Variants in SPTAN1 observed in about 807,000 individuals in gnomAD.
SPTAN1 encodes the protein spectrin alpha chain, non-erythrocytic 1.
In SPTAN1, 61 loss-of-function variants were observed where a neutral mutation model predicts 331.3. That is an observed-to-expected ratio of 0.18 (90% CI 0.15 to 0.23). The LOEUF (loss-of-function observed/expected upper bound fraction) is 0.23, where lower values mean the gene tolerates loss of function less well. Among genes scored for constraint, SPTAN1 ranks in the 10% least tolerant of loss-of-function variants. The pLI is 1.00. For synonymous variants in SPTAN1, 1,153 were observed against 1,173.9 expected, an observed-to-expected ratio of 0.98 and a Z score of 0.36; for missense variants, 2,043 against 3,147.9, an observed-to-expected ratio of 0.65 and a Z score of 8.40.
At chr9:128,593,074 A>G (rs371515405) in intron 23 of SPTAN1, 32 bp downstream of exon 23, 29 of 1,592,936 alleles carry the variant, frequency 1.8e-5, no homozygotes, top group African/African-American at 4.0e-5. Flanking sequence ...CAGAGCACCA[A>G]TGTCCACTGC....
At position 128,585,706 on chromosome 9, in the gene SPTAN1, C is replaced by G. The variant is rs1008269839; in HGVS notation, c.2561-42C>G. 4 of 1,515,612 alleles carry G rather than the reference C, an allele frequency of 2.6e-6. No homozygotes were observed. In the African/African-American group the frequency reaches 4.1e-5, roughly 16 times the overall value. The allele number at this position is 1,515,612 out of a possible 1,614,324, so 93.9% of individuals were successfully genotyped here. A position where few individuals can be genotyped will look rare whatever the true frequency, so the allele number is the denominator to read the frequency against. ...TTATTTTTGTCCTTCTGTGATGTGT[C>G]AACGTAGTTTTTGTTATCCTCTTTC... On this transcript the variant is annotated intron_variant, in intron 18 of 56. Coordinates refer to ENST00000372739, the MANE Select transcript of SPTAN1 (RefSeq NM_001130438.3).
chr9:128,626,629 C>G lies in SPTAN1; in HGVS notation c.6518C>G (p.Thr2173Ser). The change falls in exon 49 of 57, where the codon ACC becomes AGC. Residue 2173 changes from threonine (T) to serine (S), a missense_variant. Thr to Ser is a moderately conservative substitution (Grantham distance 58). This residue lies in a region of SPTAN1 where 256 missense variants were observed against 376.4 expected (regional missense o/e 0.68). Transcript: ENST00000372739. Reference protein sequence around the residue: ...KSFRVASNPYTWFTMEALEET... With the variant: ...KSFRVASNPYSWFTMEALEET... ...TTCCGCGTAGCCTCCAACCCCTACA[C>G]CTGGTTTACCATGGAGGCCCTGGAG... The G allele has an allele frequency of 6.2e-7, 1 of 1,613,792 alleles. No individual in the cohort carries two copies. The highest frequency in any genetic ancestry group is 8.5e-7 in the Non-Finnish European group (1 of 1,179,910).
At chr9:128,611,642 A>G in intron 37 of SPTAN1, 72 bp from the exon 38 acceptor site, 1 of 1,589,452 alleles carries the variant, frequency 6.3e-7, no homozygotes, top group Non-Finnish European at 8.6e-7. Context: ...CCTGCCTCTG[A>G]GAACCCCTTC....
At chr9:128,570,284 C>T (rs890051049) in intron 3 of SPTAN1, among the ~76,000 whole-genome samples, 7 of 147,888 alleles carry the variant, frequency 4.7e-5, no homozygotes, top group Admixed American at 1.3e-4. Flanking sequence ...TATTAGTACC[C>T]TCTGCCCTGT....
Position 128,612,321 on chromosome 9 carries a change from A to C in SPTAN1, c.5043+75A>C, listed in dbSNP as rs546239559. 26 of 1,593,518 alleles carry C rather than the reference A, an allele frequency of 1.6e-5. No individual in the cohort carries two copies. In the South Asian group the frequency reaches 2.5e-4, roughly 16 times the overall value. On this transcript the variant is annotated intron_variant, in intron 39 of 56. Transcript: ENST00000372739. Reference sequence around the variant, plus strand: ...TGGCACAGTGGGTCCATCAGTGCCCAAAACCACGAAAAGGCAGGGCTCACC... The same window carrying C: ...TGGCACAGTGGGTCCATCAGTGCCCCAAACCACGAAAAGGCAGGGCTCACC...
chr9:128,630,429 C>A (rs1859519334), intron 52 of SPTAN1, 54 bp downstream of exon 52: 1 of 1,576,692 alleles, frequency 6.3e-7, no homozygotes, highest in Non-Finnish European at 8.7e-7. Flanking sequence ...AGCCACCCCC[C>A]AGGGTACCCC....
chr9:128,603,538 C>T lies in SPTAN1; in HGVS notation c.3580-5C>T. The T allele has an allele frequency of 1.2e-6, 2 of 1,614,192 alleles. No individual in the cohort carries two copies. Among genetic ancestry groups the T allele is most frequent in the Non-Finnish European group, 1.7e-6 (2 of 1,180,042 alleles). On this transcript the variant is annotated splice_region_variant and splice_polypyrimidine_tract_variant and intron_variant, in intron 27 of 56. Transcript: ENST00000372739. Reference sequence around the variant, plus strand: ...GTTTTGCCTTCTGCTTTCCTCCCTACCTAGTCTGCTCGTCTGATGGTTCAC... The same window carrying T: ...GTTTTGCCTTCTGCTTTCCTCCCTATCTAGTCTGCTCGTCTGATGGTTCAC...
chr9:128,612,293 A>AT, intron 39 of SPTAN1, 47 bp downstream of exon 39: 1 of 1,613,682 alleles, frequency 6.2e-7, no homozygotes, highest in Middle Eastern at 1.7e-4. Flanking sequence ...ATTTCTAGTC[A>AT]TTTGGCACAG....
intron 4 of SPTAN1, 73 bp downstream of exon 4, chr9:128,574,888 T>G (rs1046672565): frequency 1.6e-5 from 26 of 1,604,284 alleles, no homozygotes; most frequent in Non-Finnish European, 2.2e-5. Flanking sequence ...TGATCTGTAG[T>G]GAGACCCAGT....
At chr9:128,610,506 C>G (rs1456656570) in intron 37 of SPTAN1, among the ~76,000 whole-genome samples, 1 of 151,894 alleles carries the variant, frequency 6.6e-6, no homozygotes, top group Non-Finnish European at 1.5e-5. Context: ...CAGTTGCTGC[C>G]TCTGAAATGA....
Position 128,594,314 on chromosome 9 carries a change from G to T in SPTAN1, c.3355G>T (p.Val1119Phe). Residue 1119 changes from valine (V) to phenylalanine (F), a missense_variant, in exon 24 of 57, where the codon GTC (valine) becomes TTC (phenylalanine). By Grantham distance (50) the Val-to-Phe change is conservative (BLOSUM62 -1). Coordinates refer to ENST00000372739, the MANE Select transcript of SPTAN1 (RefSeq NM_001130438.3). ...GGAAGCCGCTCTGACAAGTGAGGAG[G>T]TCGGAGCAGACTTGGAGCAGGTTGA... Reference protein sequence around the residue: ...EKEAALTSEEVGADLEQVEVL... With the variant: ...EKEAALTSEEFGADLEQVEVL... The T allele has an allele frequency of 6.2e-7, 1 of 1,614,156 alleles. No individual in the cohort carries two copies. The highest frequency in any genetic ancestry group is 8.5e-7 in the Non-Finnish European group (1 of 1,180,032).
rs370304886 is a variant in SPTAN1 at position 128,582,740 on chromosome 9, G to A, written c.1697G>A (p.Arg566Gln). 25 of 1,613,892 alleles carry A rather than the reference G, an allele frequency of 1.5e-5. No homozygotes were observed. Among genetic ancestry groups the A allele is most frequent in the East Asian group, 2.2e-5 (1 of 44,892 alleles). The part of the protein sequence containing the change: ...NALHERAMRR[R>Q]AQLADSFHLQ... ...CTTCACGAGAGAGCCATGCGTCGCC[G>A]GGCCCAGCTAGCCGATTCTTTCCAT... The change falls in exon 14 of 57, where the codon CGG (arginine) becomes CAG (glutamine). Residue 566 changes from arginine (R) to glutamine (Q), a missense_variant. Arg to Gln is a conservative substitution (Grantham distance 43). Transcript: ENST00000372739.
chr9:128,628,733 G>A (rs1859187559), intron 51 of SPTAN1: 1 of 173,110 alleles, frequency 5.8e-6, no homozygotes, highest in Admixed American at 6.0e-5. Context: ...GGCGGCCAGG[G>A]GAGAAATAGA....
Position 128,633,624 on chromosome 9 carries a change from T to C in SPTAN1, c.*290T>C. The C allele has an allele frequency of 7.7e-7, 1 of 1,301,154 alleles. No homozygotes were observed. Among genetic ancestry groups the C allele is most frequent in the Non-Finnish European group, 1.1e-6 (1 of 942,852 alleles). The allele number at this position is 1,301,154 out of a possible 1,614,324, so 80.6% of individuals were successfully genotyped here. ...CTCTCCCACCCTCCCCCAAATCTGTTTTCATGTAAAAGACAAATAAATGAT... is the reference window on the plus strand; with the variant it reads ...CTCTCCCACCCTCCCCCAAATCTGTCTTCATGTAAAAGACAAATAAATGAT... On this transcript the variant is annotated 3_prime_UTR_variant, in exon 57 of 57. Transcript: ENST00000372739.
At chr9:128,588,674 A>G in intron 20 of SPTAN1, 135 bp from the exon 21 acceptor site, 1 of 1,260,158 alleles carries the variant, frequency 7.9e-7, no homozygotes, top group Non-Finnish European at 1.1e-6. Context: ...TTTTATTGGT[A>G]GCTTCAGTGA....
chr9:128,621,114 C>T (rs1161433587), intron 44 of SPTAN1, 44 bp from the exon 45 acceptor site: 8 of 1,574,426 alleles, frequency 5.1e-6, no homozygotes, highest in African/African-American at 1.3e-5. Context: ...GCCCACAACA[C>T]ATAGCAGGCT....
In SPTAN1 at chr9:128,605,133, C is replaced by A. The variant is rs1361752002; in HGVS notation, c.3819C>A (p.Arg1273=). The A allele has an allele frequency of 6.2e-7, 1 of 1,613,750 alleles. No individual in the cohort carries two copies. The change falls in exon 30 of 57, where the codon CGC becomes CGA. Residue 1273 remains arginine, a synonymous_variant. Coordinates refer to ENST00000372739, the MANE Select transcript of SPTAN1 (RefSeq NM_001130438.3). ...TCGCCAGTGTCCAGGCCCTGCAACG[C>A]AAGCATGAGGGCTTCGAGAGGGACC... is the stretch of plus-strand genomic sequence containing the variant. ...HDLASVQALQ[R]KHEGFERDLA... is the part of the protein sequence containing the mutation.
Position 128,621,270 on chromosome 9 carries a change from A to G in SPTAN1, c.5832+14A>G, listed in dbSNP as rs1564304151. On this transcript the variant is annotated intron_variant, in intron 45 of 56. Coordinates refer to ENST00000372739, the MANE Select transcript of SPTAN1 (RefSeq NM_001130438.3). ...CTCATTAAGAAGGTGAGTCCAGCCC[A>G]TTGGTAAGACCTCCATCGCCCACTG... The G allele has an allele frequency of 7.5e-6, 12 of 1,609,842 alleles. No homozygotes were observed. Among genetic ancestry groups the G allele is most frequent in the East Asian group, 2.2e-5 (1 of 44,870 alleles).
intron 40 of SPTAN1, among the ~76,000 whole-genome samples, chr9:128,614,609 A>C (rs114602198): frequency 0.015 from 2,217 of 150,818 alleles, 53 homozygotes; most frequent in African/African-American, 0.051. Flanking sequence ...ACAAAAAAAA[A>C]ACACAAAAAT....
Sources: gnomAD v4.1 joint callset for allele counts (sites outside exome capture counted in the v4.1 genomes callset) on GRCh38, gnomAD v4.1.1 for gene constraint, gnomAD v4.1.1 regional missense constraint, MANE v1.5 for transcripts, NCBI Gene and HGNC (gene_info 2026-07-23, HGNC 2026-07-21) for gene names.